The following PARD3 variants were observed in gnomAD, a reference collection of about 807,000 sequenced individuals.
The protein encoded by PARD3 is partitioning defective 3 homolog.
Under a neutral mutation model 155.4 loss-of-function variants are expected in PARD3, and 75 were observed. The observed-to-expected ratio is 0.48, with a 90% CI of 0.40 to 0.58. The LOEUF is 0.58. PARD3 is among the 20% of genes least tolerant of loss of function. PARD3 has a pLI of 0.00. For missense variants in PARD3, 1,642 were observed against 1,721.7 expected (o/e 0.95, Z 0.82); for synonymous variants, 576 against 610.5 (o/e 0.94, Z 0.83).
At chr10:34,734,496 C>A (rs544786708) in intron 1 of PARD3, among the ~76,000 whole-genome samples, 2 of 152,032 alleles carry the variant, frequency 1.3e-5, no homozygotes, top group South Asian at 4.2e-4. Context: ...CCACCATGCC[C>A]GGCTAATATT....
intron 9 of PARD3, among the ~76,000 whole-genome samples, chr10:34,380,657 T>A (rs1189134476): frequency 6.6e-6 from 1 of 152,152 alleles, no homozygotes; most frequent in Non-Finnish European, 1.5e-5. Flanking sequence ...AGCAAAACAA[T>A]GGTACTTTTA....
At chr10:34,194,737 TGAAGGGGATCAA>T (rs1400543570) in intron 22 of PARD3, among the ~76,000 whole-genome samples, 7 of 151,840 alleles carry the variant, frequency 4.6e-5, no homozygotes, top group African/African-American at 7.3e-5. Context: ...TCATAGTCCC[TGAAGGGGATCAA>T]TCTCCATGCT....
At chr10:34,496,736 G>C (rs1384277846) in intron 3 of PARD3, among the ~76,000 whole-genome samples, 1 of 152,152 alleles carries the variant, frequency 6.6e-6, no homozygotes, top group Non-Finnish European at 1.5e-5. Context: ...AGAATCCGAA[G>C]AGATATATCA....
At chr10:34,506,373 T>C (rs145620339) in intron 3 of PARD3, among the ~76,000 whole-genome samples, 17 of 152,228 alleles carry the variant, frequency 1.1e-4, no homozygotes, top group Middle Eastern at 3.4e-3. Context: ...ATGGTAAACA[T>C]CAGGAAGGTG....
At chr10:34,714,775 ATTTTT>A (rs35679032) in intron 1 of PARD3, among the ~76,000 whole-genome samples, 1 of 144,356 alleles carries the variant, frequency 6.9e-6, no homozygotes, top group African/African-American at 2.6e-5. Context: ...ACACATCAAA[ATTTTT>A]TTTTTTTTTT....
rs181875061 is a variant in PARD3, at chr10:34,539,610, G to C, written c.223-22451C>G. On this transcript the variant is annotated intron_variant, in intron 2 of 24. Coordinates refer to ENST00000374788, the MANE Select transcript of PARD3 (RefSeq NM_001184785.2). ...TGGGAGGCAGAGGTTGCAGTGAGCC[G>C]AGATCACGACACTGCACTCCAGTTT... Among the ~76,000 whole-genome samples the C allele has an allele frequency of 2.0e-5, 3 of 152,304 alleles. No individual in the cohort carries two copies. In the East Asian group the frequency reaches 5.8e-4, roughly 29 times the overall value.
At chr10:34,693,785 T>G (rs946590973) in intron 2 of PARD3, among the ~76,000 whole-genome samples, 10 of 152,116 alleles carry the variant, frequency 6.6e-5, no homozygotes, top group African/African-American at 2.4e-4. Context: ...GAGCTATAAT[T>G]ACACCACTGC....
chr10:34,560,866 T>C (rs1009462976), intron 2 of PARD3, among the ~76,000 whole-genome samples: 2 of 152,212 alleles, frequency 1.3e-5, no homozygotes, highest in Non-Finnish European at 2.9e-5. Flanking sequence ...CATCTGAATC[T>C]GATGAGGTAT....
At chr10:34,413,622 A>G (rs1205223936) in intron 5 of PARD3, among the ~76,000 whole-genome samples, 1 of 152,108 alleles carries the variant, frequency 6.6e-6, no homozygotes, top group East Asian at 1.9e-4. Flanking sequence ...GGTCTCTATC[A>G]CCACGCTGAG....
chr10:34,479,863 G>A (rs2078961912), intron 3 of PARD3, among the ~76,000 whole-genome samples: 1 of 152,134 alleles, frequency 6.6e-6, no homozygotes, highest in African/African-American at 2.4e-5. Flanking sequence ...GGGTCTTTGA[G>A]GACAGTTTAG....
rs188763182 is a variant in PARD3, at chr10:34,682,426, T to C, written c.222+13892A>G. 7.6e-4 allele frequency among the ~76,000 whole-genome samples: 116 copies of C among 152,238 alleles called. 1 individual carries two copies. The East Asian group carries it at 0.012, about 16-fold the overall frequency. ...AAATAAACAATGTATTTCTTACAACTATCTCTGGGTGCCAAGTATATACCA... is the reference window on the plus strand; with the variant it reads ...AAATAAACAATGTATTTCTTACAACCATCTCTGGGTGCCAAGTATATACCA... On this transcript the variant is annotated intron_variant, in intron 2 of 24. Transcript: ENST00000374788.
chr10:34,294,405 T>C (rs149714728), intron 20 of PARD3, among the ~76,000 whole-genome samples: 9 of 152,344 alleles, frequency 5.9e-5, no homozygotes, highest in Non-Finnish European at 1.3e-4. Context: ...AATGTGATCA[T>C]TAAAGTTTTG....
At chr10:34,300,235 G>A (rs940533974) in intron 20 of PARD3, among the ~76,000 whole-genome samples, 2 of 152,090 alleles carry the variant, frequency 1.3e-5, no homozygotes, top group African/African-American at 4.8e-5. Context: ...AAGCATTCAC[G>A]AATCTTGGAA....
At chr10:34,794,583 G>C (rs1380846443) in intron 1 of PARD3, among the ~76,000 whole-genome samples, 2 of 152,168 alleles carry the variant, frequency 1.3e-5, no homozygotes, top group Non-Finnish European at 2.9e-5. Context: ...GGGTACTACT[G>C]CTTATGGACT....
intron 23 of PARD3, among the ~76,000 whole-genome samples, chr10:34,127,204 C>T (rs183824787): frequency 3.2e-4 from 49 of 152,250 alleles, no homozygotes; most frequent in African/African-American, 7.2e-5. Flanking sequence ...GATACTAAGA[C>T]GTAGGAAATA....
intron 1 of PARD3, among the ~76,000 whole-genome samples, chr10:34,713,044 A>G (rs1205495287): frequency 6.6e-6 from 1 of 152,032 alleles, no homozygotes; most frequent in Non-Finnish European, 1.5e-5. Flanking sequence ...CCCCGTCTCT[A>G]CTAAAATACA....
chr10:34,389,597 G>A (rs149854317), intron 7 of PARD3, among the ~76,000 whole-genome samples: 1 of 152,282 alleles, frequency 6.6e-6, no homozygotes, highest in East Asian at 1.9e-4. Flanking sequence ...GTATGGAAAT[G>A]ATTATAATTC....
At chr10:34,211,300 G>C (rs924562180) in intron 22 of PARD3, among the ~76,000 whole-genome samples, 2 of 152,204 alleles carry the variant, frequency 1.3e-5, no homozygotes, top group Non-Finnish European at 2.9e-5. Context: ...CCAAGCCCTG[G>C]TAGGCCCTTG....
chr10:34,462,484 C>CA (rs143870434), intron 4 of PARD3, among the ~76,000 whole-genome samples: 4,678 of 152,266 alleles, frequency 0.031, 240 homozygotes, highest in African/African-American at 0.11. Flanking sequence ...ATAGTGTTTT[C>CA]AAATTTACTA....
Sources: allele counts gnomAD v4.1 joint callset (sites outside exome capture counted in the v4.1 genomes callset), GRCh38; gene constraint gnomAD v4.1.1; transcripts MANE v1.5; gene names NCBI Gene and HGNC (gene_info 2026-07-23, HGNC 2026-07-21).